Variants in MISP observed in about 807,000 individuals in gnomAD.
The protein encoded by MISP is mitotic interactor and substrate of PLK1.
Under a neutral mutation model 49.3 loss-of-function variants are expected in MISP, and 51 were observed. The observed-to-expected ratio is 1.03, with a 90% CI of 0.83 to 1.31. The LOEUF is 1.31. Ranked by LOEUF, MISP falls within the 50% of genes most tolerant of loss-of-function variation. The probability of loss-of-function intolerance (pLI) is 0.00; values close to 1 mark genes in which losing one functional copy is unlikely to be tolerated. For missense variants in MISP, 1,084 were observed against 935.1 expected (o/e 1.16, Z -2.08); for synonymous variants, 444 against 392.6 (o/e 1.13, Z -1.55).
At chr19:756,553 T>C (rs956377620) in intron 1 of MISP, among the ~76,000 whole-genome samples, 41 of 152,258 alleles carry the variant, frequency 2.7e-4, no homozygotes, top group African/African-American at 9.4e-4. Flanking sequence ...GATGCTCTGA[T>C]TGGCCAGGCT....
rs1261399802 is a variant in MISP, at chr19:762,464, G to A, written c.1950+801G>A. On this transcript the variant is annotated intron_variant, in intron 4 of 4. Coordinates refer to ENST00000215582, the MANE Select transcript of MISP (RefSeq NM_173481.4). ...GATGGGGTTTCACCATGTTGGCCAG[G>A]ATGGTCTCGAACTCCTGACCTCAGG... 2.0e-5 allele frequency among the ~76,000 whole-genome samples: 3 copies of A among 151,222 alleles called. No individual in the cohort carries two copies. The East Asian group carries it at 5.9e-4, about 30-fold the overall frequency.
Position 757,825 on chromosome 19 carries a change from C to G in MISP, c.879C>G (p.Ile293Met), listed in dbSNP as rs368215027. Reference sequence around the variant, plus strand: ...CGGGGACCCCCAAGGAGACGCCCATCGAGCGGGAGATCCGTCTGGCTCAGG... The same window carrying G: ...CGGGGACCCCCAAGGAGACGCCCATGGAGCGGGAGATCCGTCTGGCTCAGG... ...ESPGTPKETP[I>M]EREIRLAQER... is the part of the protein sequence containing the mutation. Residue 293 changes from isoleucine to methionine, a missense_variant, in exon 2 of 5, where the codon ATC becomes ATG. Physicochemically the swap from Ile to Met is conservative, Grantham distance 10. Coordinates refer to ENST00000215582, the MANE Select transcript of MISP (RefSeq NM_173481.4). The G allele has an allele frequency of 1.2e-6, 2 of 1,611,056 alleles. No individual in the cohort carries two copies. The highest frequency in any genetic ancestry group is 2.2e-5 in the East Asian group (1 of 44,754).
Position 757,622 on chromosome 19 carries a change from G to T in MISP, c.676G>T (p.Gly226Trp), listed in dbSNP as rs2033580033. 1 of 1,612,442 alleles carries T rather than the reference G, an allele frequency of 6.2e-7. No individual in the cohort carries two copies. Among genetic ancestry groups the T allele is most frequent in the African/African-American group, 1.3e-5 (1 of 74,926 alleles). ...GGGGACCCCTGCAGGCACAACCCCAGGGGCCAGCCAGGCCCCCAAGGCCTT... is the reference window on the plus strand; with the variant it reads ...GGGGACCCCTGCAGGCACAACCCCATGGGCCAGCCAGGCCCCCAAGGCCTT... ...ARGTPAGTTP[G>W]ASQAPKAFNK... The change falls in exon 2 of 5, where the codon GGG (glycine) becomes TGG (tryptophan). Residue 226 changes from glycine (G) to tryptophan (W), a missense_variant. Physicochemically the swap from Gly to Trp is radical, Grantham distance 184. Coordinates refer to ENST00000215582, the MANE Select transcript of MISP (RefSeq NM_173481.4).
chr19:762,662 T>TA (rs2033692414), intron 4 of MISP, among the ~76,000 whole-genome samples: 1 of 151,794 alleles, frequency 6.6e-6, no homozygotes, highest in Non-Finnish European at 1.5e-5. Flanking sequence ...TATTTTTTTT[T>TA]ATTTTTACTT....
chr19:755,027 T>C (rs530012619), intron 1 of MISP, among the ~76,000 whole-genome samples: 2 of 134,262 alleles, frequency 1.5e-5, no homozygotes, highest in Admixed American at 1.5e-4. Flanking sequence ...GAGGGCCTGG[T>C]TTGGGGTGGA....
rs1464220964 is a variant in MISP, at chr19:758,744, G to GGAGT, written c.1780+20_1780+23dup. The GGAGT allele has an allele frequency of 2.5e-6, 4 of 1,598,722 alleles. No homozygotes were observed. Among genetic ancestry groups the GGAGT allele is most frequent in the Non-Finnish European group, 3.4e-6 (4 of 1,170,802 alleles). On this transcript the variant is annotated intron_variant, in intron 2 of 4. Coordinates refer to ENST00000215582, the MANE Select transcript of MISP (RefSeq NM_173481.4). ...GGCATCCGGTGAGAAGGGGCTCCAG[G>GGAGT]GAGTGGCTGCTTGGCTCAGGGTCTC...
At chr19:753,164 G>A (rs371358714) in intron 1 of MISP, among the ~76,000 whole-genome samples, 1 of 152,216 alleles carries the variant, frequency 6.6e-6, no homozygotes, top group East Asian at 1.9e-4. Flanking sequence ...TGTGCGTCAC[G>A]CTTTGGGAGG....
intron 4 of MISP, among the ~76,000 whole-genome samples, chr19:763,114 A>G (rs1379943140): frequency 2.6e-5 from 4 of 152,164 alleles, no homozygotes; most frequent in Admixed American, 1.3e-4. Flanking sequence ...CATCTCTACT[A>G]AAAATACAAA....
At position 758,279 on chromosome 19, in the gene MISP, G is replaced by T; in HGVS notation, c.1333G>T (p.Gly445Cys). The change falls in exon 2 of 5, where the codon GGC becomes TGC. Residue 445 changes from glycine to cysteine, a missense_variant. Transcript: ENST00000215582. ...QLEFSAFGAF[G>C]KPSSLSTAEA... ...AGAATTCTCAGCCTTCGGAGCATTC[G>T]GCAAGCCCAGCAGTCTCTCCACAGC... 1.2e-6 allele frequency: 2 copies of T among 1,613,892 alleles called. No homozygotes were observed. The highest frequency in any genetic ancestry group is 1.7e-6 in the Non-Finnish European group (2 of 1,180,032).
At position 757,515 on chromosome 19, in the gene MISP, A is replaced by C. The variant is rs369591220; in HGVS notation, c.569A>C (p.Gln190Pro). The change falls in exon 2 of 5, where the codon CAG (glutamine) becomes CCG (proline). Residue 190 changes from glutamine to proline, a missense_variant. Coordinates refer to ENST00000215582, the MANE Select transcript of MISP (RefSeq NM_173481.4). Reference protein sequence around the residue: ...PLEENVVDREQIDFLAARQQF... With the variant: ...PLEENVVDREPIDFLAARQQF... ...GAGGAGAACGTGGTTGACAGGGAGC[A>C]GATTGACTTCCTGGCAGCGAGACAG... 114 of 1,608,480 alleles carry C rather than the reference A, an allele frequency of 7.1e-5. No individual in the cohort carries two copies. The highest frequency in any genetic ancestry group is 9.2e-5 in the Non-Finnish European group (108 of 1,178,074).
At chr19:761,085 C>CTTTTT (rs557194356) in intron 3 of MISP, among the ~76,000 whole-genome samples, 5 of 92,804 alleles carry the variant, frequency 5.4e-5, no homozygotes, top group African/African-American at 4.4e-5. Flanking sequence ...ATATTATGTC[C>CTTTTT]TTTTTTTTTT....
intron 2 of MISP, among the ~76,000 whole-genome samples, chr19:759,462 C>A: frequency 6.9e-6 from 1 of 145,872 alleles, no homozygotes; most frequent in South Asian, 2.2e-4. Context: ...TGCAGTGGCG[C>A]GATCTCGGCT....
chr19:755,247 G>A (rs554401328), intron 1 of MISP, among the ~76,000 whole-genome samples: 2 of 152,320 alleles, frequency 1.3e-5, no homozygotes, highest in Admixed American at 6.5e-5. Flanking sequence ...CCTTGGGAGA[G>A]GGCGAGAGCC....
intron 4 of MISP, 146 bp downstream of exon 4, chr19:761,809 T>G: frequency 1.2e-6 from 1 of 866,096 alleles, no homozygotes; most frequent in Non-Finnish European, 1.9e-6. Context: ...TCAGGGTGGA[T>G]TTTGCTGTGA....
rs1334982374 is a variant in MISP, at chr19:764,015, C to T, written c.*425C>T. The T allele has an allele frequency of 6.3e-6, 1 of 158,316 alleles. No homozygotes were observed. Among genetic ancestry groups the T allele is most frequent in the Non-Finnish European group, 1.4e-5 (1 of 71,884 alleles). The allele number at this position is 158,316 out of a possible 1,614,324, so 9.8% of individuals were successfully genotyped here. A position where few individuals can be genotyped will look rare whatever the true frequency, so the allele number is the denominator to read the frequency against. On this transcript the variant is annotated 3_prime_UTR_variant, in exon 5 of 5. Transcript: ENST00000215582. Reference sequence around the variant, plus strand: ...GGCTGCGGGTCTGAGGGAGGAGACACTCAGCTCCTCCCTCTGAGAAGTCCC... The same window carrying T: ...GGCTGCGGGTCTGAGGGAGGAGACATTCAGCTCCTCCCTCTGAGAAGTCCC...
chr19:757,079 C>T lies in MISP; in HGVS notation c.133C>T (p.Gln45Ter), dbSNP rs765958146. 3 of 1,612,716 alleles carry T rather than the reference C, an allele frequency of 1.9e-6. No individual in the cohort carries two copies. Among genetic ancestry groups the T allele is most frequent in the Admixed American group, 1.7e-5 (1 of 59,912 alleles). Residue 45 changes from glutamine to a stop codon, truncating the protein, a stop_gained, in exon 2 of 5, where the codon CAG becomes TAG. Transcript: ENST00000215582. LOFTEE classifies it high-confidence loss of function. ...GGGCCCCGAGGCCAGCGGCTGGGGC[C>T]AGGATGAGCCGCAGACATGGCCCAC... ...CMGPEASGWG[Q>*]DEPQTWPTDH...
At position 757,328 on chromosome 19, in the gene MISP, G is replaced by A. The variant is rs1305489242; in HGVS notation, c.382G>A (p.Ala128Thr). 2 of 1,613,944 alleles carry A rather than the reference G, an allele frequency of 1.2e-6. No homozygotes were observed. Among genetic ancestry groups the A allele is most frequent in the Non-Finnish European group, 1.7e-6 (2 of 1,179,944 alleles). ...GGAGATGAAGACCTACCGCCTGGATGCTGGGGACGCTGACCCCAGGAGGCT... is the reference window on the plus strand; with the variant it reads ...GGAGATGAAGACCTACCGCCTGGATACTGGGGACGCTGACCCCAGGAGGCT... ...DKEMKTYRLD[A>T]GDADPRRLCD... is the part of the protein sequence containing the mutation. Residue 128 changes from alanine to threonine, a missense_variant, in exon 2 of 5, where the codon GCT becomes ACT. Physicochemically the swap from Ala to Thr is moderately conservative, Grantham distance 58. Coordinates refer to ENST00000215582, the MANE Select transcript of MISP (RefSeq NM_173481.4).
Position 757,277 on chromosome 19 carries a change from C to T in MISP, c.331C>T (p.Leu111Phe). The T allele has an allele frequency of 1.2e-6, 2 of 1,614,030 alleles. No homozygotes were observed. The highest frequency in any genetic ancestry group is 1.3e-5 in the African/African-American group (1 of 75,066). The change falls in exon 2 of 5, where the codon CTC becomes TTC. Residue 111 changes from leucine to phenylalanine, a missense_variant. Coordinates refer to ENST00000215582, the MANE Select transcript of MISP (RefSeq NM_173481.4). ...DAHQGRPTWA[L>F]RPEDGEDKEM... ...CCACCAGGGACGTCCAACATGGGCA[C>T]TCCGCCCAGAGGACGGGGAGGACAA...
intron 4 of MISP, 69 bp from the exon 5 acceptor site, chr19:763,432 C>T (rs2033706121): frequency 2.7e-6 from 3 of 1,105,414 alleles, no homozygotes; most frequent in East Asian, 4.7e-5. Context: ...AATGAATTGG[C>T]AGTTGGAGGA....
Sources: gnomAD v4.1 joint callset for allele counts (sites outside exome capture counted in the v4.1 genomes callset) on GRCh38, gnomAD v4.1.1 for gene constraint, MANE v1.5 for transcripts, NCBI Gene and HGNC (gene_info 2026-07-23, HGNC 2026-07-21) for gene names.